GNRH1: variants seen among roughly 807,000 people sequenced by gnomAD.
GNRH1 encodes the protein progonadoliberin-1.
GNRH1 carries 9 observed loss-of-function variants against 13.6 expected under a neutral mutation model. The ratio of observed to expected loss-of-function variants is 0.66; its 90% CI spans 0.40 to 1.15. The LOEUF (loss-of-function observed/expected upper bound fraction) is 1.15, where lower values mean the gene tolerates loss of function less well. Among genes scored for constraint, GNRH1 ranks in the 50% most tolerant of loss-of-function variants. The pLI, the probability that GNRH1 is intolerant of heterozygous loss-of-function variation, is 0.01. For synonymous variants in GNRH1, 44 were observed against 40.1 expected, an observed-to-expected ratio of 1.10 and a Z score of -0.37; for missense variants, 116 against 110.8, an observed-to-expected ratio of 1.05 and a Z score of -0.21.
chr8:25,419,770 C>T lies in GNRH1; in HGVS notation c.238-310G>A, dbSNP rs190884120. Among the ~76,000 whole-genome samples the T allele has an allele frequency of 2.0e-5, 3 of 152,094 alleles. No homozygotes were observed. In the East Asian group the frequency reaches 5.8e-4, roughly 30 times the overall value. ...TCTAGTAGTTGGGATTGCAGGCATG[C>T]ATCACCGCATCTGGCTAATTTTTAT... On this transcript the variant is annotated intron_variant, in intron 3 of 3. Transcript: ENST00000421054.
At chr8:25,422,789 A>G (rs1044403143) in intron 2 of GNRH1, among the ~76,000 whole-genome samples, 1 of 152,190 alleles carries the variant, frequency 6.6e-6, no homozygotes, top group Non-Finnish European at 1.5e-5. Flanking sequence ...ATAAAAATGT[A>G]CTGATCTAAT....
intron 3 of GNRH1, 130 bp downstream of exon 3, chr8:25,421,443 A>G: frequency 1.7e-6 from 1 of 601,666 alleles, no homozygotes; most frequent in South Asian, 2.1e-5. Context: ...GTCCTACCAC[A>G]GGAGGTAACA....
At position 25,423,304 on chromosome 8, in the gene GNRH1, A is replaced by G; in HGVS notation, c.27T>C (p.Ala9=). 6.2e-7 allele frequency: 1 copy of G among 1,612,782 alleles called. No homozygotes were observed. Among genetic ancestry groups the G allele is most frequent in the Non-Finnish European group, 8.5e-7 (1 of 1,178,774 alleles). MKPIQKLL[A]GLILLTWCVE... is the part of the protein sequence containing the mutation. ...CGCACCAAGTCAGTAGAATAAGGCC[A>G]GCTAGGAGTTTTTGAATTGGCTTCA... Residue 9 remains alanine (A), a synonymous_variant, in exon 2 of 4, where the codon GCT becomes GCC. Transcript: ENST00000421054.
chr8:25,424,294 G>A (rs1801814434), upstream of GNRH1: 2 of 151,528 alleles, frequency 1.3e-5, no homozygotes, highest in Admixed American at 6.6e-5. Context: ...CCTTTTTATA[G>A]GGAATTTTTC....
chr8:25,423,336 G>A lies in GNRH1; in HGVS notation c.-1-5C>T, dbSNP rs762228178. On this transcript the variant is annotated splice_region_variant and splice_polypyrimidine_tract_variant and intron_variant, in intron 1 of 3. Coordinates refer to ENST00000421054, the MANE Select transcript of GNRH1 (RefSeq NM_001083111.2). Reference sequence around the variant, plus strand: ...AGTTTTTGAATTGGCTTCATTCTAAGGCACATGAATGCACAATCAAATTAG... The same window carrying A: ...AGTTTTTGAATTGGCTTCATTCTAAAGCACATGAATGCACAATCAAATTAG... The A allele has an allele frequency of 5.6e-6, 9 of 1,611,750 alleles. No homozygotes were observed. Among genetic ancestry groups the A allele is most frequent in the Non-Finnish European group, 7.6e-6 (9 of 1,178,086 alleles).
At chr8:25,421,057 T>C (rs1017136979) in intron 3 of GNRH1, among the ~76,000 whole-genome samples, 7 of 152,088 alleles carry the variant, frequency 4.6e-5, no homozygotes, top group Admixed American at 1.3e-4. Context: ...CTCTCTAAAT[T>C]ATAAATTTAG....
chr8:25,423,273 C>T lies in GNRH1; in HGVS notation c.58G>A (p.Gly20Ser). 6.2e-7 allele frequency: 1 copy of T among 1,611,838 alleles called. No homozygotes were observed. The highest frequency in any genetic ancestry group is 8.5e-7 in the Non-Finnish European group (1 of 1,177,928). Reference sequence around the variant, plus strand: ...TAGGACCAGTGCTGGCTGGAGCAGCCTTCCACGCACCAAGTCAGTAGAATA... The same window carrying T: ...TAGGACCAGTGCTGGCTGGAGCAGCTTTCCACGCACCAAGTCAGTAGAATA... Reference protein sequence around the residue: ...GLILLTWCVEGCSSQHWSYGL... With the variant: ...GLILLTWCVESCSSQHWSYGL... The change falls in exon 2 of 4, where the codon GGC (glycine) becomes AGC (serine). Residue 20 changes from glycine (G) to serine (S), a missense_variant. Coordinates refer to ENST00000421054, the MANE Select transcript of GNRH1 (RefSeq NM_001083111.2).
intron 2 of GNRH1, among the ~76,000 whole-genome samples, chr8:25,422,661 T>A (rs1229007841): frequency 6.6e-6 from 1 of 152,226 alleles, no homozygotes; most frequent in Non-Finnish European, 1.5e-5. Context: ...CGTTATCTTA[T>A]CATCTTGAGT....
At chr8:25,419,663 C>T (rs1164536878) in intron 3 of GNRH1, among the ~76,000 whole-genome samples, 1 of 151,602 alleles carries the variant, frequency 6.6e-6, no homozygotes, top group Non-Finnish European at 1.5e-5. Context: ...ACTCTGTCAC[C>T]CAGGCTGGAG....
chr8:25,420,465 A>G (rs1801756582), intron 3 of GNRH1, among the ~76,000 whole-genome samples: 1 of 152,184 alleles, frequency 6.6e-6, no homozygotes, highest in Non-Finnish European at 1.5e-5. Context: ...GTCACTGTAG[A>G]CAATTAAAAT....
chr8:25,422,540 CCTGT>C (rs1286771258), intron 2 of GNRH1, among the ~76,000 whole-genome samples: 3 of 152,108 alleles, frequency 2.0e-5, no homozygotes, highest in Non-Finnish European at 4.4e-5. Context: ...ACAGCGAGAC[CCTGT>C]CTTAGAAAAT....
At chr8:25,424,079 A>T (rs1478244551) in intron 1 of GNRH1, 122 bp downstream of exon 1, 1 of 152,406 alleles carries the variant, frequency 6.6e-6, no homozygotes, top group Non-Finnish European at 1.5e-5. Flanking sequence ...GAAGGACAGG[A>T]CATCATTAGA....
At chr8:25,421,459 G>C (rs1214535653) in intron 3 of GNRH1, 114 bp downstream of exon 3, 1 of 635,114 alleles carries the variant, frequency 1.6e-6, no homozygotes, top group Non-Finnish European at 2.9e-6. Flanking sequence ...TAACAGAGGA[G>C]TCAGGAATGT....
rs368837931 is a variant in GNRH1 at position 25,421,633 on chromosome 8, T to A, written c.177A>T (p.Gln59His). The A allele has an allele frequency of 3.1e-6, 5 of 1,605,414 alleles. No individual in the cohort carries two copies. The South Asian group carries it at 5.5e-5, about 18-fold the overall frequency. Residue 59 changes from glutamine (Q) to histidine (H), a missense_variant, in exon 3 of 4, where the codon CAA becomes CAT. Transcript: ENST00000421054. ...GCTGGTGCGTGGTGCATTCGAAGCG[T>A]TGGGTTTCTGCCAGTTGACCAACCT... ...VKEVGQLAETQRFECTTHQPR... is the reference protein window; with the variant it reads ...VKEVGQLAETHRFECTTHQPR...
At chr8:25,420,509 TTTCC>T (rs1420928464) in intron 3 of GNRH1, among the ~76,000 whole-genome samples, 2 of 152,212 alleles carry the variant, frequency 1.3e-5, no homozygotes, top group Non-Finnish European at 2.9e-5. Flanking sequence ...TTATTTGGGC[TTTCC>T]CAGCTCCTAG....
rs1242362037 is a variant in GNRH1, at chr8:25,421,944, GA to G, written c.142-277del. On this transcript the variant is annotated intron_variant, in intron 2 of 3. Coordinates refer to ENST00000421054, the MANE Select transcript of GNRH1 (RefSeq NM_001083111.2). ...AAGAGGGAGGCACTTTGAGCCTCAT[GA>G]GAGTCAGTATACCCAAAAAAACAAA... 4.6e-5 allele frequency among the ~76,000 whole-genome samples: 7 copies of G among 152,120 alleles called. No individual in the cohort carries two copies. In the Middle Eastern group the frequency reaches 0.017, roughly 370 times the overall value.
At chr8:25,423,128 G>A in intron 2 of GNRH1, 62 bp downstream of exon 2, 1 of 1,205,732 alleles carries the variant, frequency 8.3e-7, no homozygotes, top group Non-Finnish European at 1.2e-6. Flanking sequence ...TATCCTGAAT[G>A]TTTAATATAG....
At chr8:25,420,600 T>C (rs1447439062) in intron 3 of GNRH1, among the ~76,000 whole-genome samples, 1 of 151,940 alleles carries the variant, frequency 6.6e-6, no homozygotes, top group African/African-American at 2.4e-5. Context: ...AATATCAACA[T>C]TGAATCCAAG....
At chr8:25,421,234 T>C (rs1367073736) in intron 3 of GNRH1, among the ~76,000 whole-genome samples, 3 of 152,018 alleles carry the variant, frequency 2.0e-5, no homozygotes, top group Non-Finnish European at 2.9e-5. Context: ...TCTAGGGGGT[T>C]TGGTGATTTT....
Sources: allele counts gnomAD v4.1 joint callset (sites outside exome capture counted in the v4.1 genomes callset), GRCh38; gene constraint gnomAD v4.1.1; transcripts MANE v1.5; gene names NCBI Gene and HGNC (gene_info 2026-07-23, HGNC 2026-07-21).